Variants in MTA3 observed in about 807,000 individuals in gnomAD.
MTA3 encodes the protein metastasis-associated protein MTA3.
Under a neutral mutation model 83.5 loss-of-function variants are expected in MTA3, and 34 were observed. The observed-to-expected ratio is 0.41, with a 90% CI of 0.31 to 0.54. The LOEUF is 0.54. Among genes scored for constraint, MTA3 ranks in the 20% least tolerant of loss-of-function variants. The probability of loss-of-function intolerance (pLI) is 0.33; values close to 1 mark genes in which losing one functional copy is unlikely to be tolerated. For missense variants in MTA3, 761 were observed against 726.4 expected (o/e 1.05, Z -0.55); for synonymous variants, 303 against 252.7 (o/e 1.20, Z -1.89).
intron 2 of MTA3, among the ~76,000 whole-genome samples, chr2:42,520,324 C>G (rs939838727): frequency 6.6e-6 from 1 of 152,122 alleles, no homozygotes; most frequent in African/African-American, 2.4e-5. Flanking sequence ...ATTCCACAGG[C>G]ACCACAAAAT....
chr2:42,677,010 C>T (rs1031307959), intron 8 of MTA3, among the ~76,000 whole-genome samples: 2 of 152,218 alleles, frequency 1.3e-5, no homozygotes, highest in Non-Finnish European at 2.9e-5. Context: ...TCAGCACCCT[C>T]AGTGGATGCC....
intron 3 of MTA3, among the ~76,000 whole-genome samples, chr2:42,586,658 G>A (rs541334796): frequency 6.6e-6 from 1 of 151,374 alleles, no homozygotes; most frequent in Non-Finnish European, 1.5e-5. Context: ...TTGGCTTCCA[G>A]CACTTTGGGG....
intron 8 of MTA3, among the ~76,000 whole-genome samples, chr2:42,672,127 C>T (rs188780510): frequency 1.5e-3 from 233 of 152,214 alleles, no homozygotes; most frequent in Non-Finnish European, 3.0e-3. Context: ...TAATTACGCT[C>T]ATAGTAAGTT....
chr2:42,707,645 C>T (rs1265662600), intron 12 of MTA3, among the ~76,000 whole-genome samples: 1 of 152,046 alleles, frequency 6.6e-6, no homozygotes, highest in Admixed American at 6.6e-5. Context: ...CCCTCAGCAG[C>T]ACAATGCATA....
chr2:42,619,247 T>TG (rs1458117256), intron 4 of MTA3, among the ~76,000 whole-genome samples: 2 of 152,204 alleles, frequency 1.3e-5, no homozygotes, highest in African/African-American at 4.8e-5. Flanking sequence ...AGCAGAGTGG[T>TG]GACTCAGAAA....
At chr2:42,528,789 G>T (rs1675832172) in intron 2 of MTA3, among the ~76,000 whole-genome samples, 1 of 152,212 alleles carries the variant, frequency 6.6e-6, no homozygotes, top group African/African-American at 2.4e-5. Context: ...ATTGAGCAAA[G>T]AACGACTTGT....
chr2:42,516,715 G>C (rs956531628), intron 2 of MTA3, among the ~76,000 whole-genome samples: 1 of 152,144 alleles, frequency 6.6e-6, no homozygotes, highest in East Asian at 1.9e-4. Flanking sequence ...AGAAAACAAA[G>C]AAGTCAATGA....
At chr2:42,733,355 A>T (rs1668374347) in intron 16 of MTA3, among the ~76,000 whole-genome samples, 1 of 152,204 alleles carries the variant, frequency 6.6e-6, no homozygotes, top group African/African-American at 2.4e-5. Flanking sequence ...TTTCACTATC[A>T]TGAGAATAGC....
At chr2:42,614,883 A>G (rs537956997) in intron 4 of MTA3, among the ~76,000 whole-genome samples, 11 of 151,724 alleles carry the variant, frequency 7.3e-5, no homozygotes, top group African/African-American at 2.7e-4. Flanking sequence ...AAGTTGAGGT[A>G]GGAGGATTGC....
At chr2:42,682,796 G>A (rs774829886) in intron 9 of MTA3, 13 of 512,686 alleles carry the variant, frequency 2.5e-5, no homozygotes, top group Non-Finnish European at 4.1e-5. Context: ...TATCAGGCCG[G>A]GTACGGTGGC....
chr2:42,599,572 A>G (rs1432979229), intron 3 of MTA3, among the ~76,000 whole-genome samples: 1 of 152,096 alleles, frequency 6.6e-6, no homozygotes, highest in Non-Finnish European at 1.5e-5. Flanking sequence ...CCCGGGCGAC[A>G]GTGTGAGACT....
chr2:42,685,774 A>G (rs950875169), intron 9 of MTA3, among the ~76,000 whole-genome samples: 1 of 152,202 alleles, frequency 6.6e-6, no homozygotes, highest in Admixed American at 6.5e-5. Context: ...AACAGGATAG[A>G]ATGTCAGAGT....
intron 2 of MTA3, 88 bp from the exon 3 acceptor site, chr2:42,579,019 A>G: frequency 3.6e-6 from 3 of 832,710 alleles, no homozygotes; most frequent in East Asian, 2.9e-5. Flanking sequence ...GAGCATGATC[A>G]TATAATTGTG....
At chr2:42,685,955 A>G (rs528124766) in intron 9 of MTA3, among the ~76,000 whole-genome samples, 1 of 152,300 alleles carries the variant, frequency 6.6e-6, no homozygotes, top group East Asian at 1.9e-4. Context: ...TGTTGGGGCA[A>G]TGTATTTCTT....
At chr2:42,749,943 T>C (rs1669745360) in intron 16 of MTA3, among the ~76,000 whole-genome samples, 1 of 152,206 alleles carries the variant, frequency 6.6e-6, no homozygotes, top group African/African-American at 2.4e-5. Flanking sequence ...ATAGATACTG[T>C]ATTTTTTCTT....
chr2:42,518,352 CT>C (rs1428054941), intron 2 of MTA3, among the ~76,000 whole-genome samples: 8 of 152,070 alleles, frequency 5.3e-5, no homozygotes, highest in African/African-American at 1.9e-4. Context: ...CTTATAGTGC[CT>C]GAAAGTAAGG....
upstream of MTA3, chr2:42,568,410 A>T (rs1192400749): frequency 1.3e-5 from 2 of 150,606 alleles, no homozygotes; most frequent in Non-Finnish European, 1.5e-5. Context: ...ACTTCCAGCA[A>T]GGCCCCCCAC....
Position 42,568,723 on chromosome 2 carries a change from G to T in MTA3, c.-23G>T, listed in dbSNP as rs1422466431. 11 of 1,213,214 alleles carry T rather than the reference G, an allele frequency of 9.1e-6. No individual in the cohort carries two copies. The highest frequency in any genetic ancestry group is 4.4e-5 in the Admixed American group (1 of 22,812). The allele number at this position is 1,213,214 out of a possible 1,614,324, so 75.2% of individuals were successfully genotyped here. A position where few individuals can be genotyped will look rare whatever the true frequency, so the allele number is the denominator to read the frequency against. ...CGGCGGCGGGCGGGGCTCGGCTCGG[G>T]CTCCGCGGGCGGGCGGGCGGACATG... is the stretch of plus-strand genomic sequence containing the variant. On this transcript the variant is annotated 5_prime_UTR_variant, in exon 1 of 17. Coordinates refer to ENST00000405094, the MANE Select transcript of MTA3 (RefSeq NM_001330442.2).
At chr2:42,667,470 A>T (rs1690326590) in intron 8 of MTA3, among the ~76,000 whole-genome samples, 1 of 151,892 alleles carries the variant, frequency 6.6e-6, no homozygotes, top group Non-Finnish European at 1.5e-5. Context: ...GACGGCTCTC[A>T]GTATCTCATA....
Sources: allele counts gnomAD v4.1 joint callset (sites outside exome capture counted in the v4.1 genomes callset), GRCh38; gene constraint gnomAD v4.1.1; transcripts MANE v1.5; gene names NCBI Gene and HGNC (gene_info 2026-07-23, HGNC 2026-07-21).